The following MEIKIN variants were observed in gnomAD, a reference collection of about 807,000 sequenced individuals.
The protein encoded by MEIKIN is meiotic kinetochore factor, also known as meiosis-specific kinetochore protein.
intron 9 of MEIKIN, among the ~76,000 whole-genome samples, chr5:131,860,936 A>AT (rs902582526): frequency 2.8e-5 from 4 of 143,022 alleles, no homozygotes. Context: ...TAATTTTTGT[A>AT]TTTTTTAGCA....
rs146487632 is a variant in MEIKIN at position 131,837,571 on chromosome 5, A to G, written c.975+13693T>C. Reference sequence around the variant, plus strand: ...GTAGTTCTCTTCGTTGAGATCTTTCACCTCCCTAGTTAGCTGTATTCCTAG... The same window carrying G: ...GTAGTTCTCTTCGTTGAGATCTTTCGCCTCCCTAGTTAGCTGTATTCCTAG... On this transcript the variant is annotated intron_variant, in intron 11 of 12. Transcript: ENST00000442687. Among the ~76,000 whole-genome samples the G allele has an allele frequency of 1.1e-3, 165 of 151,746 alleles. 2 individuals are homozygous for G. In the East Asian group the frequency reaches 0.027, roughly 25 times the overall value.
At chr5:131,841,576 T>C (rs1250916159) in intron 11 of MEIKIN, among the ~76,000 whole-genome samples, 1 of 152,204 alleles carries the variant, frequency 6.6e-6, no homozygotes, top group Non-Finnish European at 1.5e-5. Context: ...CTATTTGAAA[T>C]CTTTTGTGGT....
At chr5:131,933,728 A>G (rs1167316538) in intron 4 of MEIKIN, 87 bp from the exon 5 acceptor site, 1 of 391,188 alleles carries the variant, frequency 2.6e-6, no homozygotes, top group Non-Finnish European at 4.5e-6. Flanking sequence ...GGAAATGTAC[A>G]TGCTTAGTTA....
intron 8 of MEIKIN, among the ~76,000 whole-genome samples, chr5:131,900,369 C>A (rs1389487874): frequency 6.6e-6 from 1 of 152,192 alleles, no homozygotes; most frequent in Non-Finnish European, 1.5e-5. Context: ...CTAAGGCGCA[C>A]TGGGACTCAT....
intron 2 of MEIKIN, among the ~76,000 whole-genome samples, 182 bp downstream of exon 2, chr5:131,944,974 T>G (rs915697590): frequency 1.3e-5 from 2 of 152,210 alleles, no homozygotes; most frequent in Admixed American, 6.5e-5. Context: ...AGCCTTCCCC[T>G]TTTTAAAAAT....
rs534814633 is a variant in MEIKIN, at chr5:131,832,477, C to G, written c.976-13614G>C. Among the ~76,000 whole-genome samples the G allele has an allele frequency of 5.3e-5, 8 of 152,226 alleles. No homozygotes were observed. In the South Asian group the frequency reaches 1.7e-3, roughly 32 times the overall value. On this transcript the variant is annotated intron_variant, in intron 11 of 12. Transcript: ENST00000442687. ...TGAGTGTCTGTGGCTTTTCTAGGTGCACGGTGCAAGCTGTCAGTGGTTCTA... is the reference window on the plus strand; with the variant it reads ...TGAGTGTCTGTGGCTTTTCTAGGTGGACGGTGCAAGCTGTCAGTGGTTCTA...
In MEIKIN at chr5:131,855,585, G is replaced by C. The variant is rs1253011557; in HGVS notation, c.775-751C>G. Among the ~76,000 whole-genome samples, 3 of 151,950 alleles carry C rather than the reference G, an allele frequency of 2.0e-5. No homozygotes were observed. The East Asian group carries it at 5.8e-4, about 29-fold the overall frequency. ...GAGAGGAGATGAAGGAAGAGGTAGA[G>C]GAGAGGAGAGGAGGTAGGAGAGGAA... On this transcript the variant is annotated intron_variant, in intron 9 of 12. Transcript: ENST00000442687.
intron 11 of MEIKIN, among the ~76,000 whole-genome samples, chr5:131,848,394 C>G (rs1463691634): frequency 6.6e-6 from 1 of 152,020 alleles, no homozygotes; most frequent in Non-Finnish European, 1.5e-5. Flanking sequence ...GTATTATGAA[C>G]AATTGTATAT....
chr5:131,869,442 T>C (rs1480032277), intron 9 of MEIKIN, among the ~76,000 whole-genome samples: 1 of 152,210 alleles, frequency 6.6e-6, no homozygotes, highest in African/African-American at 2.4e-5. Context: ...TCTCCTTCAA[T>C]ATTGAGTTGG....
intron 5 of MEIKIN, among the ~76,000 whole-genome samples, chr5:131,923,544 T>C (rs984944748): frequency 3.3e-5 from 5 of 151,048 alleles, no homozygotes; most frequent in Admixed American, 6.6e-5. Context: ...TTTTTTCTTA[T>C]GATTTTTTTT....
At chr5:131,844,641 C>T (rs559383587) in intron 11 of MEIKIN, among the ~76,000 whole-genome samples, 13 of 152,166 alleles carry the variant, frequency 8.5e-5, no homozygotes, top group Admixed American at 3.3e-4. Context: ...TACAAGCTTA[C>T]GAAGAAACTA....
intron 11 of MEIKIN, among the ~76,000 whole-genome samples, chr5:131,833,960 T>C: frequency 6.6e-6 from 1 of 152,238 alleles, no homozygotes; most frequent in Non-Finnish European, 1.5e-5. Context: ...AATTAATCAC[T>C]GCATTCTTCA....
At chr5:131,935,835 G>C (rs608834) in intron 4 of MEIKIN, among the ~76,000 whole-genome samples, 64,596 of 151,998 alleles carry the variant, frequency 0.42, 18,164 homozygotes, top group African/African-American at 0.81. Context: ...GCTGCCACTG[G>C]AACACTTAAA....
intron 11 of MEIKIN, among the ~76,000 whole-genome samples, chr5:131,828,832 C>T (rs1749659759): frequency 6.6e-6 from 1 of 152,156 alleles, no homozygotes; most frequent in South Asian, 2.1e-4. Context: ...TTCATGCACT[C>T]AGAATTTCTA....
At chr5:131,865,930 T>C (rs1364821637) in intron 9 of MEIKIN, among the ~76,000 whole-genome samples, 2 of 152,176 alleles carry the variant, frequency 1.3e-5, no homozygotes, top group Non-Finnish European at 2.9e-5. Context: ...AGCAGTGGTA[T>C]GTTAAGCATG....
At chr5:131,816,820 A>G (rs1364568453) in intron 12 of MEIKIN, among the ~76,000 whole-genome samples, 2 of 152,228 alleles carry the variant, frequency 1.3e-5, no homozygotes, top group African/African-American at 4.8e-5. Context: ...GGAATATGAA[A>G]TATGAAAAGT....
intron 8 of MEIKIN, among the ~76,000 whole-genome samples, chr5:131,901,204 C>A (rs1170361451): frequency 6.6e-6 from 1 of 152,188 alleles, no homozygotes; most frequent in Non-Finnish European, 1.5e-5. Context: ...CCCACACCTA[C>A]CAATGCTCTG....
At chr5:131,827,689 A>G (rs1442779463) in intron 11 of MEIKIN, among the ~76,000 whole-genome samples, 1 of 152,222 alleles carries the variant, frequency 6.6e-6, no homozygotes, top group East Asian at 1.9e-4. Context: ...ATAAACATGC[A>G]TGGAATAAAT....
intron 9 of MEIKIN, among the ~76,000 whole-genome samples, chr5:131,869,634 T>C (rs1480010303): frequency 6.6e-6 from 1 of 152,226 alleles, no homozygotes; most frequent in Non-Finnish European, 1.5e-5. Flanking sequence ...AGTTCCTTTC[T>C]CTTCCCACTG....
Sources: allele counts gnomAD v4.1 joint callset (sites outside exome capture counted in the v4.1 genomes callset), GRCh38; gene constraint gnomAD v4.1.1; transcripts MANE v1.5; gene names NCBI Gene and HGNC (gene_info 2026-07-23, HGNC 2026-07-21).